Variants in FIGN observed in about 807,000 individuals in gnomAD.
The protein encoded by FIGN is fidgetin, microtubule severing factor.
A neutral mutation model predicts 51.3 loss-of-function variants in FIGN; 11 were observed. The observed-to-expected ratio is 0.21, with a 90% CI of 0.13 to 0.35. The LOEUF (loss-of-function observed/expected upper bound fraction) is 0.35. Ranked by LOEUF, FIGN falls within the 10% of genes least tolerant of loss-of-function variation. The probability of loss-of-function intolerance (pLI) is 1.00; values close to 1 mark genes in which losing one functional copy is unlikely to be tolerated. For missense variants in FIGN, 857 were observed against 943.6 expected, an observed-to-expected ratio of 0.91 and a Z score of 1.20; for synonymous variants, 407 against 363.2, an observed-to-expected ratio of 1.12 and a Z score of -1.37.
intron 2 of FIGN, among the ~76,000 whole-genome samples, chr2:163,730,784 A>T (rs1684916009): frequency 6.6e-6 from 1 of 152,354 alleles, no homozygotes; most frequent in South Asian, 2.1e-4. Flanking sequence ...TCAGTAGCAT[A>T]TGTCAATATT....
At position 163,609,172 on chromosome 2, in the gene FIGN, G is replaced by A. The variant is rs1409805113; in HGVS notation, c.*380C>T. Reference sequence around the variant, plus strand: ...CACATGCCACCAATGTAATTGTGAGGCAAACAAAAAATAAAGCACCACTCC... The same window carrying A: ...CACATGCCACCAATGTAATTGTGAGACAAACAAAAAATAAAGCACCACTCC... On this transcript the variant is annotated 3_prime_UTR_variant, in exon 3 of 3. Transcript: ENST00000333129. 5.3e-6 allele frequency: 1 copy of A among 188,932 alleles called. No homozygotes were observed. Among genetic ancestry groups the A allele is most frequent in the African/African-American group, 2.4e-5 (1 of 42,524 alleles). The allele number at this position is 188,932 out of a possible 1,614,324, so 11.7% of individuals were successfully genotyped here. A position where few individuals can be genotyped will look rare whatever the true frequency, so the allele number is the denominator to read the frequency against.
At chr2:163,695,045 T>C (rs1684295137) in intron 2 of FIGN, among the ~76,000 whole-genome samples, 1 of 148,784 alleles carries the variant, frequency 6.7e-6, no homozygotes, top group African/African-American at 2.5e-5. Flanking sequence ...TTGTCTCACA[T>C]ATCCCTTGCT....
chr2:163,675,483 A>G (rs978836789), intron 2 of FIGN, among the ~76,000 whole-genome samples: 1 of 152,184 alleles, frequency 6.6e-6, no homozygotes, highest in African/African-American at 2.4e-5. Context: ...AGCCCTAGAG[A>G]TCTACTGAAT....
At chr2:163,612,498 G>A (rs1025656443) in intron 2 of FIGN, 24 of 984,980 alleles carry the variant, frequency 2.4e-5, no homozygotes, top group Middle Eastern at 1.0e-3. Context: ...CCCAGGCAGC[G>A]CTCCATCGCT....
intron 2 of FIGN, among the ~76,000 whole-genome samples, chr2:163,675,706 C>CTTTTTTT (rs900840520): frequency 1.7e-3 from 174 of 100,506 alleles, no homozygotes; most frequent in Non-Finnish European, 1.9e-3. Flanking sequence ...TTCTTTCTTT[C>CTTTTTTT]TTTTTTTTTT....
chr2:163,629,952 CTTTTT>C (rs71297448), intron 2 of FIGN, among the ~76,000 whole-genome samples: 8 of 56,928 alleles, frequency 1.4e-4, no homozygotes, highest in South Asian at 6.2e-4. Context: ...GAAAGGGGCA[CTTTTT>C]TTTTTTTTTT....
intron 2 of FIGN, among the ~76,000 whole-genome samples, chr2:163,633,855 C>T (rs1683185915): frequency 6.6e-6 from 1 of 152,102 alleles, no homozygotes; most frequent in East Asian, 1.9e-4. Context: ...ACCTGATGGG[C>T]ACAAACTGAA....
intron 2 of FIGN, among the ~76,000 whole-genome samples, chr2:163,646,413 G>C (rs1390683299): frequency 6.6e-6 from 1 of 151,984 alleles, no homozygotes; most frequent in African/African-American, 2.4e-5. Context: ...CATATGCTGG[G>C]GTAGTAGGTT....
intron 2 of FIGN, among the ~76,000 whole-genome samples, chr2:163,677,312 C>G (rs1276175390): frequency 6.6e-6 from 1 of 152,192 alleles, no homozygotes; most frequent in African/African-American, 2.4e-5. Context: ...CCATAACATC[C>G]AAGCAAATAT....
chr2:163,695,114 A>G (rs148635640), intron 2 of FIGN, among the ~76,000 whole-genome samples: 270 of 152,284 alleles, frequency 1.8e-3, no homozygotes, highest in African/African-American at 6.3e-3. Flanking sequence ...CAGAATGTCC[A>G]AACTTTATCT....
At chr2:163,620,981 C>A (rs1410234138) in intron 2 of FIGN, among the ~76,000 whole-genome samples, 2 of 151,636 alleles carry the variant, frequency 1.3e-5, no homozygotes, top group African/African-American at 4.8e-5. Context: ...GGTCAATAAA[C>A]AAATTAAGAA....
intron 2 of FIGN, among the ~76,000 whole-genome samples, chr2:163,619,187 T>C (rs989395376): frequency 2.0e-5 from 3 of 152,208 alleles, no homozygotes; most frequent in African/African-American, 7.2e-5. Flanking sequence ...AACCAAAGCT[T>C]AATTTAACAG....
At chr2:163,719,568 G>C (rs1422479385) in intron 2 of FIGN, among the ~76,000 whole-genome samples, 1 of 152,064 alleles carries the variant, frequency 6.6e-6, no homozygotes, top group Non-Finnish European at 1.5e-5. Flanking sequence ...ATTTGGTCTT[G>C]TTTTCTAAAA....
chr2:163,686,967 T>C (rs575498459), intron 2 of FIGN, among the ~76,000 whole-genome samples: 1 of 151,504 alleles, frequency 6.6e-6, no homozygotes, highest in Non-Finnish European at 1.5e-5. Context: ...CAGTCATTAC[T>C]TAATATTAAC....
chr2:163,672,344 T>C (rs1683890036), intron 2 of FIGN, among the ~76,000 whole-genome samples: 1 of 152,130 alleles, frequency 6.6e-6, no homozygotes, highest in Non-Finnish European at 1.5e-5. Context: ...GTATATTGTG[T>C]AACTCTATGA....
rs554278164 is a variant in FIGN at position 163,658,380 on chromosome 2, T to G, written c.26-46574A>C. 6.6e-5 allele frequency among the ~76,000 whole-genome samples: 8 copies of G among 121,960 alleles called. No homozygotes were observed. In the East Asian group the frequency reaches 3.0e-3, roughly 46 times the overall value. The allele number at this position is 121,960 out of a possible 152,430, so 80.0% of individuals were successfully genotyped here. On this transcript the variant is annotated intron_variant, in intron 2 of 2. Transcript: ENST00000333129. Reference sequence around the variant, plus strand: ...TAAGAAACAGCTCTCTCTCTCTCTCTCTCTCTCTCTCTCTCTCTCTCTCTC... The same window carrying G: ...TAAGAAACAGCTCTCTCTCTCTCTCGCTCTCTCTCTCTCTCTCTCTCTCTC...
At chr2:163,624,097 A>G (rs2105306980) in intron 2 of FIGN, among the ~76,000 whole-genome samples, 1 of 152,206 alleles carries the variant, frequency 6.6e-6, no homozygotes, top group Non-Finnish European at 1.5e-5. Flanking sequence ...ATACAGCTAA[A>G]TAACACACCT....
intron 2 of FIGN, among the ~76,000 whole-genome samples, chr2:163,726,841 T>G (rs971593125): frequency 6.6e-6 from 1 of 152,108 alleles, no homozygotes; most frequent in Non-Finnish European, 1.5e-5. Flanking sequence ...CCTTATTTCT[T>G]CATCCATATA....
rs1333488405 is a variant in FIGN, at chr2:163,606,698, C to T, written c.*2854G>A. The T allele has an allele frequency of 1.3e-5, 2 of 152,128 alleles. No homozygotes were observed. Among genetic ancestry groups the T allele is most frequent in the Non-Finnish European group, 2.9e-5 (2 of 68,022 alleles). 9.4% of individuals were successfully genotyped at this position (152,128 alleles called of 1,614,324 possible). On this transcript the variant is annotated 3_prime_UTR_variant, in exon 3 of 3. Coordinates refer to ENST00000333129, the MANE Select transcript of FIGN (RefSeq NM_018086.4). ...AGCTCATAATGCTGCCATGCAGAAT[C>T]AAAGAATCACAGGAGAGCACTATCT...
Sources: gnomAD v4.1 joint callset for allele counts (sites outside exome capture counted in the v4.1 genomes callset) on GRCh38, gnomAD v4.1.1 for gene constraint, MANE v1.5 for transcripts, NCBI Gene and HGNC (gene_info 2026-07-23, HGNC 2026-07-21) for gene names.